SULT6B1: variants seen among roughly 807,000 people sequenced by gnomAD.
SULT6B1 encodes the protein sulfotransferase 6B1.
In SULT6B1, 44 loss-of-function variants were observed where a neutral mutation model predicts 37.2. The ratio of observed to expected loss-of-function variants is 1.18; its 90% confidence interval spans 0.93 to 1.52. The LOEUF (loss-of-function observed/expected upper bound fraction) is 1.52. Among genes scored for constraint, SULT6B1 ranks in the 40% most tolerant of loss-of-function variants. SULT6B1 has a pLI of 0.00. For missense variants in SULT6B1, 450 were observed against 361.0 expected, an observed-to-expected ratio of 1.25 and a Z score of -2.00; for synonymous variants, 140 against 126.0, an observed-to-expected ratio of 1.11 and a Z score of -0.74.
chr2:37,170,764 A>T (rs1242498063), intron 6 of SULT6B1, among the ~76,000 whole-genome samples: 1 of 142,776 alleles, frequency 7.0e-6, no homozygotes, highest in Admixed American at 7.0e-5. Context: ...AAAAAAACTC[A>T]CTGATGGGGC....
Position 37,167,835 on chromosome 2 carries a change from G to T in SULT6B1, c.*100C>A. 1 of 1,038,630 alleles carries T rather than the reference G, an allele frequency of 9.6e-7. No homozygotes were observed. The highest frequency in any genetic ancestry group is 1.3e-6 in the Non-Finnish European group (1 of 760,610). The allele number at this position is 1,038,630 out of a possible 1,614,324, so 64.3% of individuals were successfully genotyped here. Reference sequence around the variant, plus strand: ...ATTGTATTATTTAGATTTCAATATTGTTTAATTATTATTTGATTATTTGAT... The same window carrying T: ...ATTGTATTATTTAGATTTCAATATTTTTTAATTATTATTTGATTATTTGAT... On this transcript the variant is annotated 3_prime_UTR_variant, in exon 7 of 7. Coordinates refer to ENST00000535679, the MANE Select transcript of SULT6B1 (RefSeq NM_001367551.1).
chr2:37,174,788 A>T (rs1035163174), intron 5 of SULT6B1, among the ~76,000 whole-genome samples: 3 of 72,688 alleles, frequency 4.1e-5, no homozygotes, highest in South Asian at 4.0e-4. Flanking sequence ...AACAATTTTT[A>T]AAAAATGACT....
upstream of SULT6B1, among the ~76,000 whole-genome samples, chr2:37,192,909 C>A (rs981723899): frequency 3.9e-5 from 6 of 152,308 alleles, no homozygotes; most frequent in African/African-American, 1.4e-4. Flanking sequence ...ACATACTCAA[C>A]TCTGAGTTGT....
At chr2:37,168,641 T>C (rs550410056) in intron 6 of SULT6B1, among the ~76,000 whole-genome samples, 4 of 152,324 alleles carry the variant, frequency 2.6e-5, no homozygotes, top group African/African-American at 9.6e-5. Flanking sequence ...ATTCCACTTT[T>C]TGAGAATGAT....
chr2:37,180,409 T>G (rs1676525596), intron 3 of SULT6B1, among the ~76,000 whole-genome samples: 1 of 152,162 alleles, frequency 6.6e-6, no homozygotes. Flanking sequence ...AAAACAAGAT[T>G]TGGGGCCACA....
At chr2:37,183,550 G>C (rs11569750) in intron 2 of SULT6B1, 36 bp from the exon 3 acceptor site, 9 of 1,444,572 alleles carry the variant, frequency 6.2e-6, no homozygotes, top group Non-Finnish European at 8.8e-6. Context: ...AAATGTGCAC[G>C]TGTGTGCATG....
At chr2:37,182,631 G>A (rs975103550) in intron 3 of SULT6B1, among the ~76,000 whole-genome samples, 3 of 152,024 alleles carry the variant, frequency 2.0e-5, no homozygotes, top group African/African-American at 7.2e-5. Flanking sequence ...ACCCTGCAGG[G>A]AGTTTAAATA....
intron 5 of SULT6B1, among the ~76,000 whole-genome samples, chr2:37,174,197 C>G (rs1054672899): frequency 6.6e-6 from 1 of 151,670 alleles, no homozygotes; most frequent in African/African-American, 2.4e-5. Context: ...ATCACATCCC[C>G]TCAGTAAGGT....
At chr2:37,180,710 C>G (rs1676531541) in intron 3 of SULT6B1, among the ~76,000 whole-genome samples, 1 of 152,028 alleles carries the variant, frequency 6.6e-6, no homozygotes, top group Non-Finnish European at 1.5e-5. Context: ...ATGGGGAAAC[C>G]CTGGTGCTAC....
upstream of SULT6B1, among the ~76,000 whole-genome samples, chr2:37,193,597 AAAGAAGAAG>A (rs70949740): frequency 0.047 from 5,321 of 113,820 alleles, 117 homozygotes; most frequent in Middle Eastern, 0.081. Context: ...AGAAGAAGAA[AAAGAAGAAG>A]AAGAAGAAGA....
At chr2:37,180,042 G>A (rs1034687801) in intron 3 of SULT6B1, among the ~76,000 whole-genome samples, 3 of 152,196 alleles carry the variant, frequency 2.0e-5, no homozygotes, top group Non-Finnish European at 4.4e-5. Flanking sequence ...GACACAGAAC[G>A]TCTGAATTCC....
chr2:37,193,289 C>T (rs1676818812), upstream of SULT6B1, among the ~76,000 whole-genome samples: 1 of 103,426 alleles, frequency 9.7e-6, no homozygotes, highest in Non-Finnish European at 1.8e-5. Context: ...AACTCTGTCT[C>T]TACTTAAAAA....
intron 3 of SULT6B1, 115 bp downstream of exon 3, chr2:37,183,310 G>T (rs1220689677): frequency 2.1e-5 from 17 of 801,398 alleles, no homozygotes; most frequent in Non-Finnish European, 2.8e-5. Flanking sequence ...AAAACTAAAT[G>T]TCACAGTTCA....
At chr2:37,186,701 G>A (rs1166758557) in intron 2 of SULT6B1, among the ~76,000 whole-genome samples, 1 of 152,010 alleles carries the variant, frequency 6.6e-6, no homozygotes, top group Non-Finnish European at 1.5e-5. Flanking sequence ...TGACCAGCCT[G>A]AGCAACGAAA....
chr2:37,180,234 A>G (rs1214984956), intron 3 of SULT6B1, among the ~76,000 whole-genome samples: 2 of 152,244 alleles, frequency 1.3e-5, no homozygotes, highest in East Asian at 1.9e-4. Flanking sequence ...TGGAGGACAC[A>G]TGATCCAGCA....
In SULT6B1 at chr2:37,183,325, T is replaced by A. The variant is rs1288859142; in HGVS notation, c.402+100A>T. On this transcript the variant is annotated intron_variant, in intron 3 of 6. Coordinates refer to ENST00000535679, the MANE Select transcript of SULT6B1 (RefSeq NM_001367551.1). ...AAAACTAAATGTCACAGTTCATTTA[T>A]TAAGCTTCTATGAGAAGGAACAAAC... is the stretch of plus-strand genomic sequence containing the variant. 9.8e-6 allele frequency: 9 copies of A among 918,568 alleles called. No homozygotes were observed. In the African/African-American group the frequency reaches 1.5e-4, roughly 15 times the overall value. 56.9% of individuals were successfully genotyped at this position (918,568 alleles called of 1,614,324 possible).
At chr2:37,194,484 C>T (rs938976156) in intron 1 of SULT6B1, 11 of 411,466 alleles carry the variant, frequency 2.7e-5, no homozygotes, top group African/African-American at 4.2e-5. Context: ...GACAGCTGCA[C>T]GCGGATACGG....
chr2:37,182,449 G>C (rs1392757657), intron 3 of SULT6B1, among the ~76,000 whole-genome samples: 1 of 151,856 alleles, frequency 6.6e-6, no homozygotes, highest in East Asian at 1.9e-4. Context: ...AAAATTGGGG[G>C]TTTTGCCATT....
chr2:37,195,727 T>G (rs147243152), intron 1 of SULT6B1, among the ~76,000 whole-genome samples: 323 of 152,354 alleles, frequency 2.1e-3, no homozygotes, highest in African/African-American at 7.4e-3. Context: ...TTTTCTCTTC[T>G]CTGTTTCCAT....
Sources: allele counts gnomAD v4.1 joint callset (sites outside exome capture counted in the v4.1 genomes callset), GRCh38; gene constraint gnomAD v4.1.1; transcripts MANE v1.5; gene names NCBI Gene and HGNC (gene_info 2026-07-23, HGNC 2026-07-21).